Variants in MEI4 observed in about 807,000 individuals in gnomAD.
MEI4 encodes the protein meiotic double-stranded break formation protein 4, also known as meiosis-specific protein MEI4.
Under a neutral mutation model 31.4 loss-of-function variants are expected in MEI4, and 27 were observed. The ratio of observed to expected loss-of-function variants is 0.86; its 90% CI spans 0.63 to 1.19. The LOEUF (loss-of-function observed/expected upper bound fraction) is 1.19. Among genes scored for constraint, MEI4 ranks in the 50% most tolerant of loss-of-function variants. The probability of loss-of-function intolerance (pLI) is 0.00; values close to 1 mark genes in which losing one functional copy is unlikely to be tolerated. For missense variants in MEI4, 329 were observed against 398.9 expected, an observed-to-expected ratio of 0.82 and a Z score of 1.49; for synonymous variants, 122 against 145.4, an observed-to-expected ratio of 0.84 and a Z score of 1.16.
At chr6:77,701,124 C>G (rs1176242984) in intron 2 of MEI4, among the ~76,000 whole-genome samples, 1 of 152,042 alleles carries the variant, frequency 6.6e-6, no homozygotes, top group Non-Finnish European at 1.5e-5. Flanking sequence ...AGATTACTTA[C>G]ATTTTATTTT....
intron 4 of MEI4, among the ~76,000 whole-genome samples, chr6:77,851,032 A>G (rs1454418967): frequency 1.3e-5 from 2 of 152,232 alleles, no homozygotes; most frequent in Non-Finnish European, 2.9e-5. Context: ...AGACACATGA[A>G]AAAATGCTCA....
chr6:77,763,018 T>C (rs1768079610), intron 3 of MEI4, among the ~76,000 whole-genome samples: 5 of 152,154 alleles, frequency 3.3e-5, no homozygotes, highest in Admixed American at 3.3e-4. Flanking sequence ...GATACTGGCA[T>C]TTATAGTCCA....
At chr6:77,699,292 C>G (rs1002617111) in intron 2 of MEI4, among the ~76,000 whole-genome samples, 5 of 151,068 alleles carry the variant, frequency 3.3e-5, no homozygotes, top group African/African-American at 1.2e-4. Flanking sequence ...CGGGTTCACG[C>G]CATTCTCCTG....
At position 77,690,733 on chromosome 6, in the gene MEI4, G is replaced by A. The variant is rs1037139259; in HGVS notation, c.62G>A (p.Arg21His). 8 of 1,231,386 alleles carry A rather than the reference G, an allele frequency of 6.5e-6. No homozygotes were observed. Among genetic ancestry groups the A allele is most frequent in the East Asian group, 3.2e-5 (1 of 31,698 alleles). 76.3% of individuals were successfully genotyped at this position (1,231,386 alleles called of 1,614,324 possible). ...CTGGCTCTGGCCTTGGCAATTATCCGCTCAAAACCAGCAGACAAAAGCAGC... is the reference window on the plus strand; with the variant it reads ...CTGGCTCTGGCCTTGGCAATTATCCACTCAAAACCAGCAGACAAAAGCAGC... ...SKLALALAIIRSKPADKSSRE... is the reference protein window; with the variant it reads ...SKLALALAIIHSKPADKSSRE... The change falls in exon 2 of 5, where the codon CGC becomes CAC. Residue 21 changes from arginine (R) to histidine (H), a missense_variant. Transcript: ENST00000684080.
intron 3 of MEI4, among the ~76,000 whole-genome samples, chr6:77,816,238 A>G (rs1230146389): frequency 6.6e-6 from 1 of 152,140 alleles, no homozygotes; most frequent in African/African-American, 2.4e-5. Context: ...TAATTTTAGC[A>G]TAGTTGATTA....
chr6:77,867,054 A>T (rs897825013), intron 4 of MEI4, among the ~76,000 whole-genome samples: 3 of 152,164 alleles, frequency 2.0e-5, no homozygotes, highest in Admixed American at 6.5e-5. Context: ...CTTCCTTAAC[A>T]CCTTATACAA....
chr6:77,875,006 G>A (rs1365017488), intron 4 of MEI4, among the ~76,000 whole-genome samples: 1 of 152,150 alleles, frequency 6.6e-6, no homozygotes, highest in Non-Finnish European at 1.5e-5. Flanking sequence ...CATAGCTGAA[G>A]GAACCCTTAG....
At chr6:77,827,216 T>C (rs7746060) in intron 3 of MEI4, among the ~76,000 whole-genome samples, 80,659 of 151,326 alleles carry the variant, frequency 0.53, 23,288 homozygotes, top group East Asian at 0.77. Context: ...AAAAATTAGC[T>C]GGGTGTGGTG....
intron 2 of MEI4, among the ~76,000 whole-genome samples, chr6:77,691,931 A>C (rs2127652579): frequency 6.6e-6 from 1 of 152,000 alleles, no homozygotes; most frequent in Non-Finnish European, 1.5e-5. Context: ...AAAAACACAT[A>C]AATCAGGCAG....
chr6:77,749,641 G>C (rs1451733714), intron 2 of MEI4, among the ~76,000 whole-genome samples: 1 of 152,118 alleles, frequency 6.6e-6, no homozygotes, highest in Non-Finnish European at 1.5e-5. Context: ...ATCTATGCTT[G>C]ATTGGTGTAC....
chr6:77,766,313 C>G (rs1768173096), intron 3 of MEI4, among the ~76,000 whole-genome samples: 1 of 152,148 alleles, frequency 6.6e-6, no homozygotes, highest in African/African-American at 2.4e-5. Context: ...GTGATTCCCT[C>G]TAGTACTGTC....
intron 2 of MEI4, among the ~76,000 whole-genome samples, chr6:77,760,231 C>T (rs1353676996): frequency 1.3e-5 from 2 of 150,762 alleles, no homozygotes; most frequent in Non-Finnish European, 3.0e-5. Context: ...CATATATATA[C>T]ACACATATAT....
chr6:77,712,336 T>C (rs1766483456), intron 2 of MEI4, among the ~76,000 whole-genome samples: 1 of 152,168 alleles, frequency 6.6e-6, no homozygotes, highest in Admixed American at 6.5e-5. Context: ...ACTTAAATAA[T>C]GGGGATATTA....
At chr6:77,796,146 C>T (rs1769068811) in intron 3 of MEI4, among the ~76,000 whole-genome samples, 1 of 152,116 alleles carries the variant, frequency 6.6e-6, no homozygotes, top group South Asian at 2.1e-4. Context: ...ATTGATCACA[C>T]ACAAAACCAT....
At chr6:77,736,059 G>A (rs1038704740) in intron 2 of MEI4, among the ~76,000 whole-genome samples, 2 of 152,092 alleles carry the variant, frequency 1.3e-5, no homozygotes, top group African/African-American at 4.8e-5. Flanking sequence ...GGACTTTTAA[G>A]TCTGCAGAGG....
chr6:77,757,684 A>G (rs1767947774), intron 2 of MEI4, among the ~76,000 whole-genome samples: 1 of 152,240 alleles, frequency 6.6e-6, no homozygotes, highest in African/African-American at 2.4e-5. Context: ...GCTTACCTTT[A>G]AGATTAATGC....
In MEI4 at chr6:77,847,295, G is replaced by C. The variant is rs1390500188; in HGVS notation, c.900+18233G>C. Among the ~76,000 whole-genome samples, 2 of 152,144 alleles carry C rather than the reference G, an allele frequency of 1.3e-5. No homozygotes were observed. Among genetic ancestry groups the C allele is most frequent in the Non-Finnish European group, 2.9e-5 (2 of 68,030 alleles). On this transcript the variant is annotated intron_variant, in intron 4 of 4. Coordinates refer to ENST00000684080, the MANE Select transcript of MEI4 (RefSeq NM_001322247.2). The surrounding 1 kb of genome is among the most constrained non-coding windows in gnomAD (Gnocchi z 4.6). ...AGATTATAATTAATTCAAGAGAAATGTTGAGTAAATACAGGAAATAAAGCC... is the reference window on the plus strand; with the variant it reads ...AGATTATAATTAATTCAAGAGAAATCTTGAGTAAATACAGGAAATAAAGCC...
rs543136221 is a variant in MEI4, at chr6:77,895,897, A to G, written c.901-27192A>G. 1.8e-3 allele frequency among the ~76,000 whole-genome samples: 267 copies of G among 152,244 alleles called. 2 individuals carry two copies. The highest frequency in any genetic ancestry group is 1.9e-3 in the Non-Finnish European group (128 of 68,004). ...CAGTTCCTGAACCTTGTTCTTTCAC[A>G]TAATAAACACTGTATTAATAAACAG... On this transcript the variant is annotated intron_variant, in intron 4 of 4. Coordinates refer to ENST00000684080, the MANE Select transcript of MEI4 (RefSeq NM_001322247.2).
intron 2 of MEI4, among the ~76,000 whole-genome samples, chr6:77,757,086 T>G (rs980559326): frequency 6.6e-6 from 1 of 152,246 alleles, no homozygotes; most frequent in African/African-American, 2.4e-5. Context: ...GTTCACTGTG[T>G]GGCTCTTTCT....
Sources: gnomAD v4.1 joint callset for allele counts (sites outside exome capture counted in the v4.1 genomes callset) on GRCh38, gnomAD v4.1.1 for gene constraint, Gnocchi (gnomAD v3.1) non-coding constraint, MANE v1.5 for transcripts, NCBI Gene and HGNC (gene_info 2026-07-23, HGNC 2026-07-21) for gene names.